The following MAP3K1 variants were observed in gnomAD, a reference collection of about 807,000 sequenced individuals.
The protein encoded by MAP3K1 is mitogen-activated protein kinase kinase kinase 1, also known as MAP/ERK kinase kinase 1.
A neutral mutation model predicts 144.2 loss-of-function variants in MAP3K1; 36 were observed. The observed-to-expected ratio is 0.25, with a 90% CI of 0.19 to 0.33. The LOEUF (loss-of-function observed/expected upper bound fraction) is 0.33. Among genes scored for constraint, MAP3K1 ranks in the 10% least tolerant of loss-of-function variants. The probability of loss-of-function intolerance (pLI) is 1.00; values close to 1 mark genes in which losing one functional copy is unlikely to be tolerated. For missense variants in MAP3K1, 1,650 were observed against 1,881.9 expected (o/e 0.88, Z 2.28); for synonymous variants, 718 against 688.7 (o/e 1.04, Z -0.67).
In MAP3K1 at chr5:56,864,377, TC is replaced by T. The variant is rs1168552171; in HGVS notation, c.835-356del. On this transcript the variant is annotated intron_variant, in intron 3 of 19. Transcript: ENST00000399503. The stretch of plus-strand genomic sequence containing the variant: ...GTATGATCTTCTTTGGATAATAGTT[TC>T]TTTTTTTTTTTTTTTTTGAGATGGA... Among the ~76,000 whole-genome samples, 194 of 121,068 alleles carry T rather than the reference TC, an allele frequency of 1.6e-3. 3 individuals are homozygous for T. The East Asian group carries it at 0.037, about 23-fold the overall frequency. 79.4% of individuals were successfully genotyped at this position (121,068 alleles called of 152,430 possible).
chr5:56,839,228 G>T (rs1314065391), intron 1 of MAP3K1, among the ~76,000 whole-genome samples: 1 of 152,186 alleles, frequency 6.6e-6, no homozygotes, highest in Non-Finnish European at 1.5e-5. Context: ...CCGAATTAAA[G>T]GACATCATTT....
intron 1 of MAP3K1, among the ~76,000 whole-genome samples, chr5:56,839,044 G>A (rs935297139): frequency 6.6e-6 from 1 of 152,196 alleles, no homozygotes; most frequent in African/African-American, 2.4e-5. Context: ...TATTAGTGCA[G>A]AGATTGCTTG....
At chr5:56,821,604 C>T (rs1170839652) in intron 1 of MAP3K1, among the ~76,000 whole-genome samples, 1 of 152,050 alleles carries the variant, frequency 6.6e-6, no homozygotes, top group East Asian at 1.9e-4. Context: ...ACTATGTTGC[C>T]CAGGCTGGAA....
Position 56,815,591 on chromosome 5 carries a change from G to GCCCTC in MAP3K1, c.18_19insCCCTC (p.Asn7ProfsTer180). The GCCCTC allele has an allele frequency of 1.5e-6, 2 of 1,297,184 alleles. No homozygotes were observed. The highest frequency in any genetic ancestry group is 2.0e-6 in the Non-Finnish European group (2 of 1,025,400). The allele number at this position is 1,297,184 out of a possible 1,614,324, so 80.4% of individuals were successfully genotyped here. On this transcript the variant is annotated frameshift_variant, in exon 1 of 20. Coordinates refer to ENST00000399503, the MANE Select transcript of MAP3K1 (RefSeq NM_005921.2). LOFTEE classifies it high-confidence loss of function. ...GAGAGAAAATGGCGGCGGCGGCGGG[G>GCCCTC]AATCGCGCCTCGTCGTCGGGATTCC...
Position 56,882,877 on chromosome 5 carries a change from A to G in MAP3K1, c.3666+11A>G. ...ATTATTCAACAGGATGTAAGTATAG[A>G]TTCTTTAAGAGGTTAGAAAACTTCC... On this transcript the variant is annotated intron_variant, in intron 14 of 19. Transcript: ENST00000399503. 6.3e-7 allele frequency: 1 copy of G among 1,599,980 alleles called. No homozygotes were observed. The highest frequency in any genetic ancestry group is 1.7e-5 in the Admixed American group (1 of 59,944).
At chr5:56,845,241 G>T (rs1456539588) in intron 1 of MAP3K1, among the ~76,000 whole-genome samples, 1 of 152,154 alleles carries the variant, frequency 6.6e-6, no homozygotes. Context: ...GTATGTACTA[G>T]CCCTGTTGAG....
chr5:56,840,662 A>G (rs183082061), intron 1 of MAP3K1, among the ~76,000 whole-genome samples: 14 of 152,258 alleles, frequency 9.2e-5, no homozygotes, highest in African/African-American at 3.1e-4. Context: ...ATCTGATACC[A>G]TTATTCCAGA....
chr5:56,835,097 T>G (rs16886389), intron 1 of MAP3K1, among the ~76,000 whole-genome samples: 2,163 of 152,292 alleles, frequency 0.014, 34 homozygotes, highest in East Asian at 0.056. Flanking sequence ...TGCTAAGGGT[T>G]GAGAAGTGAA....
rs923722589 is a variant in MAP3K1, at chr5:56,875,016, T to G, written c.1687-16T>G. ...GCTTTTCTTTACATTGAATTCATCGTGTGTGTTTGATACAGGTGTTTGGAA... is the reference window on the plus strand; with the variant it reads ...GCTTTTCTTTACATTGAATTCATCGGGTGTGTTTGATACAGGTGTTTGGAA... On this transcript the variant is annotated splice_polypyrimidine_tract_variant and intron_variant, in intron 9 of 19. Coordinates refer to ENST00000399503, the MANE Select transcript of MAP3K1 (RefSeq NM_005921.2). 1.1e-5 allele frequency: 17 copies of G among 1,613,742 alleles called. No homozygotes were observed. The highest frequency in any genetic ancestry group is 1.4e-5 in the Non-Finnish European group (17 of 1,179,754).
intron 19 of MAP3K1, among the ~76,000 whole-genome samples, chr5:56,889,267 C>G (rs922333609): frequency 6.6e-6 from 1 of 152,080 alleles, no homozygotes; most frequent in Non-Finnish European, 1.5e-5. Context: ...TTCCCAGGTT[C>G]AGGCAGTTCT....
intron 14 of MAP3K1, 50 bp downstream of exon 14, chr5:56,882,916 C>T (rs929770315): frequency 1.4e-6 from 2 of 1,421,360 alleles, no homozygotes; most frequent in East Asian, 2.3e-5. Context: ...GGGCTGGGCA[C>T]AGTGACTCAT....
At chr5:56,853,908 A>G (rs1446228998) in intron 1 of MAP3K1, among the ~76,000 whole-genome samples, 1 of 152,180 alleles carries the variant, frequency 6.6e-6, no homozygotes, top group East Asian at 1.9e-4. Context: ...GGGGGGAACC[A>G]CTAGAGCATT....
intron 3 of MAP3K1, among the ~76,000 whole-genome samples, chr5:56,862,433 A>G (rs959902420): frequency 6.6e-6 from 1 of 152,192 alleles, no homozygotes; most frequent in Non-Finnish European, 1.5e-5. Flanking sequence ...GGGCCATCAA[A>G]ATGAAAGTTT....
chr5:56,853,282 G>A (rs1260378201), intron 1 of MAP3K1, among the ~76,000 whole-genome samples: 1 of 152,072 alleles, frequency 6.6e-6, no homozygotes, highest in Non-Finnish European at 1.5e-5. Flanking sequence ...ATTACAAAGA[G>A]ACTAGGAAAA....
chr5:56,843,758 C>A (rs746081542), intron 1 of MAP3K1, among the ~76,000 whole-genome samples: 1 of 152,148 alleles, frequency 6.6e-6, no homozygotes, highest in Non-Finnish European at 1.5e-5. Context: ...ATCTTTTCTC[C>A]CCATATTCAT....
At chr5:56,858,086 G>A (rs1014107889) in intron 2 of MAP3K1, among the ~76,000 whole-genome samples, 1 of 152,172 alleles carries the variant, frequency 6.6e-6, no homozygotes, top group Non-Finnish European at 1.5e-5. Flanking sequence ...ATTTATCTTA[G>A]AGAAGAGAAA....
At chr5:56,818,346 T>C (rs1170127001) in intron 1 of MAP3K1, among the ~76,000 whole-genome samples, 4 of 152,302 alleles carry the variant, frequency 2.6e-5, no homozygotes, top group East Asian at 3.9e-4. Flanking sequence ...AAAATATCAA[T>C]TGAACTTTAT....
In MAP3K1 at chr5:56,872,799, G is replaced by T. The variant is rs746143216; in HGVS notation, c.1506-26G>T. ...TGTGGTTTGTCTTAATTTTTTTAAA[G>T]CAAGTTTTGTTATTTTTCATTTTAG... On this transcript the variant is annotated intron_variant, in intron 8 of 19. Transcript: ENST00000399503. 2.3e-5 allele frequency: 37 copies of T among 1,613,522 alleles called. No individual in the cohort carries two copies. In the South Asian group the frequency reaches 4.1e-4, roughly 18 times the overall value.
At chr5:56,866,594 A>G (rs1747681934) in intron 6 of MAP3K1, among the ~76,000 whole-genome samples, 1 of 152,156 alleles carries the variant, frequency 6.6e-6, no homozygotes, top group Non-Finnish European at 1.5e-5. Context: ...TAATCCACAA[A>G]GGAGTGCTGC....
Sources: gnomAD v4.1 joint callset for allele counts (sites outside exome capture counted in the v4.1 genomes callset) on GRCh38, gnomAD v4.1.1 for gene constraint, MANE v1.5 for transcripts, NCBI Gene and HGNC (gene_info 2026-07-23, HGNC 2026-07-21) for gene names.